HS6ST3: variants seen among roughly 807,000 people sequenced by gnomAD.
HS6ST3 encodes the protein heparan sulfate 6-O-sulfotransferase 3.
A neutral mutation model predicts 36.7 loss-of-function variants in HS6ST3; 12 were observed. The observed-to-expected ratio is 0.33, with a 90% CI of 0.21 to 0.53. HS6ST3 has a LOEUF of 0.53. Among genes scored for constraint, HS6ST3 ranks in the 20% least tolerant of loss-of-function variants. The pLI, the probability that HS6ST3 is intolerant of heterozygous loss-of-function variation, is 0.95. For missense variants in HS6ST3, 584 were observed against 640.9 expected, an observed-to-expected ratio of 0.91 and a Z score of 0.96; for synonymous variants, 240 against 257.5, an observed-to-expected ratio of 0.93 and a Z score of 0.65.
At chr13:96,654,578 T>C (rs760312602) in intron 1 of HS6ST3, among the ~76,000 whole-genome samples, 3 of 152,194 alleles carry the variant, frequency 2.0e-5, no homozygotes, top group Non-Finnish European at 2.9e-5. Context: ...ATATCTGTTT[T>C]GTTACCAGTA....
At chr13:96,467,932 G>A (rs2055822164) in intron 1 of HS6ST3, among the ~76,000 whole-genome samples, 1 of 152,138 alleles carries the variant, frequency 6.6e-6, no homozygotes, top group Non-Finnish European at 1.5e-5. Flanking sequence ...CAGGATTGGT[G>A]CAAGAGCTAG....
At chr13:96,506,086 T>G (rs2138916355) in intron 1 of HS6ST3, among the ~76,000 whole-genome samples, 1 of 152,260 alleles carries the variant, frequency 6.6e-6, no homozygotes, top group East Asian at 1.9e-4. Flanking sequence ...CCACCTCTAA[T>G]AAGGACCTAA....
At chr13:96,708,345 A>G (rs1349891589) in intron 1 of HS6ST3, among the ~76,000 whole-genome samples, 1 of 152,232 alleles carries the variant, frequency 6.6e-6, no homozygotes, top group African/African-American at 2.4e-5. Flanking sequence ...TAGAGCATAT[A>G]AGATGGAATT....
chr13:96,306,087 A>G (rs868851109), intron 1 of HS6ST3, among the ~76,000 whole-genome samples: 4 of 144,412 alleles, frequency 2.8e-5, no homozygotes, highest in Non-Finnish European at 6.0e-5. Context: ...GCGCACCACC[A>G]TGCCCAGCTT....
intron 1 of HS6ST3, among the ~76,000 whole-genome samples, chr13:96,650,641 T>C (rs1014898443): frequency 6.6e-6 from 1 of 152,036 alleles, no homozygotes. Flanking sequence ...AAGAGGTGTA[T>C]GGAAACTTAA....
In HS6ST3 at chr13:96,091,032, G is replaced by C. The variant is rs1440052509; in HGVS notation, c.170G>C (p.Arg57Pro). The C allele has an allele frequency of 1.0e-5, 13 of 1,246,142 alleles. No homozygotes were observed. Among genetic ancestry groups the C allele is most frequent in the Non-Finnish European group, 1.3e-5 (13 of 994,600 alleles). 77.2% of individuals were successfully genotyped at this position (1,246,142 alleles called of 1,614,324 possible). Reference sequence around the variant, plus strand: ...CCCGCCGTCCCGGGTCCCGCCCGCCGGGCTCAGGCGCCGCCGGAGGAGTGG... The same window carrying C: ...CCCGCCGTCCCGGGTCCCGCCCGCCCGGCTCAGGCGCCGCCGGAGGAGTGG... ...GPPAVPGPAR[R>P]AQAPPEEWER... Residue 57 changes from arginine (R) to proline (P), a missense_variant, in exon 1 of 2, where the codon CGG becomes CCG. Arg to Pro is a moderately radical substitution (Grantham distance 103). Around this residue, in one of 3 missense-constraint regions of HS6ST3, gnomAD observed 217 missense variants for 205.4 expected, o/e 1.06. Transcript: ENST00000376705.
intron 1 of HS6ST3, among the ~76,000 whole-genome samples, chr13:96,431,373 T>A (rs761240145): frequency 6.6e-6 from 1 of 152,158 alleles, no homozygotes; most frequent in Non-Finnish European, 1.5e-5. Flanking sequence ...ATTGTCAGTC[T>A]CTCCAGAGTG....
At chr13:96,353,966 C>G (rs2055197478) in intron 1 of HS6ST3, among the ~76,000 whole-genome samples, 1 of 152,178 alleles carries the variant, frequency 6.6e-6, no homozygotes, top group African/African-American at 2.4e-5. Context: ...TCACATACTA[C>G]TGGCATTATC....
At chr13:96,405,255 A>T (rs1013578457) in intron 1 of HS6ST3, among the ~76,000 whole-genome samples, 1 of 152,210 alleles carries the variant, frequency 6.6e-6, no homozygotes, top group African/African-American at 2.4e-5. Flanking sequence ...ATGTCCGTAT[A>T]TGCCATCATT....
intron 1 of HS6ST3, among the ~76,000 whole-genome samples, chr13:96,112,619 A>C (rs2053875865): frequency 7.9e-6 from 1 of 126,144 alleles, no homozygotes; most frequent in African/African-American, 2.9e-5. Context: ...ATATATATAT[A>C]TATGCCCGGC....
chr13:96,635,115 C>T (rs2056544747), intron 1 of HS6ST3, among the ~76,000 whole-genome samples: 1 of 152,116 alleles, frequency 6.6e-6, no homozygotes, highest in South Asian at 2.1e-4. Flanking sequence ...ATTAAAATTG[C>T]TTCTCAGTTG....
At chr13:96,728,721 T>G (rs1046598892) in intron 1 of HS6ST3, among the ~76,000 whole-genome samples, 2 of 152,202 alleles carry the variant, frequency 1.3e-5, no homozygotes, top group African/African-American at 4.8e-5. Flanking sequence ...TAATCATGAT[T>G]TTAATCAATC....
At chr13:96,270,777 T>A (rs767817714) in intron 1 of HS6ST3, among the ~76,000 whole-genome samples, 1 of 151,890 alleles carries the variant, frequency 6.6e-6, no homozygotes. Flanking sequence ...CTTGAAACGA[T>A]GGAGCTCAAT....
intron 1 of HS6ST3, among the ~76,000 whole-genome samples, chr13:96,800,014 GTATA>G (rs1378792108): frequency 8.5e-6 from 1 of 117,054 alleles, no homozygotes; most frequent in African/African-American, 3.3e-5. Flanking sequence ...ATATATATAT[GTATA>G]TATATATATG....
At chr13:96,506,080 C>A (rs1188387469) in intron 1 of HS6ST3, among the ~76,000 whole-genome samples, 1 of 152,060 alleles carries the variant, frequency 6.6e-6, no homozygotes, top group African/African-American at 2.4e-5. Flanking sequence ...GTTTACCCAC[C>A]TCTAATAAGG....
intron 1 of HS6ST3, among the ~76,000 whole-genome samples, chr13:96,153,582 T>C (rs2054097334): frequency 6.6e-6 from 1 of 152,206 alleles, no homozygotes; most frequent in Non-Finnish European, 1.5e-5. Context: ...CCAGGACACA[T>C]AGTTTATCTG....
intron 1 of HS6ST3, among the ~76,000 whole-genome samples, chr13:96,139,056 A>G (rs1489057638): frequency 6.6e-6 from 1 of 152,176 alleles, no homozygotes; most frequent in Non-Finnish European, 1.5e-5. Context: ...CTAAGTATAC[A>G]GCAAACGTTT....
At chr13:96,406,937 A>C (rs1218032234) in intron 1 of HS6ST3, among the ~76,000 whole-genome samples, 1 of 152,184 alleles carries the variant, frequency 6.6e-6, no homozygotes, top group Non-Finnish European at 1.5e-5. Context: ...AGATACATAT[A>C]CAACTGTACA....
intron 1 of HS6ST3, among the ~76,000 whole-genome samples, chr13:96,140,944 G>A (rs1474405567): frequency 6.6e-6 from 1 of 152,174 alleles, no homozygotes; most frequent in Non-Finnish European, 1.5e-5. Context: ...CTTAAAAAAT[G>A]TCAACATAAC....
Sources: gnomAD v4.1 joint callset for allele counts (sites outside exome capture counted in the v4.1 genomes callset) on GRCh38, gnomAD v4.1.1 for gene constraint, gnomAD v4.1.1 regional missense constraint, MANE v1.5 for transcripts, NCBI Gene and HGNC (gene_info 2026-07-23, HGNC 2026-07-21) for gene names.